Variants in SDAD1 observed in about 807,000 individuals in gnomAD.
SDAD1 encodes SDA1 domain containing 1.
In SDAD1, 79 loss-of-function variants were observed where a neutral mutation model predicts 100.3. The observed-to-expected ratio is 0.79, with a 90% CI of 0.66 to 0.95. SDAD1 has a LOEUF of 0.95. Among genes scored for constraint, SDAD1 ranks in the 40% least tolerant of loss-of-function variants. The probability of loss-of-function intolerance (pLI) is 0.00; values close to 1 mark genes in which losing one functional copy is unlikely to be tolerated. For missense variants in SDAD1, 790 were observed against 810.9 expected, an observed-to-expected ratio of 0.97 and a Z score of 0.31; for synonymous variants, 267 against 271.4, an observed-to-expected ratio of 0.98 and a Z score of 0.16.
intron 10 of SDAD1, among the ~76,000 whole-genome samples, chr4:75,970,018 CA>C (rs540301810): frequency 1.3e-4 from 19 of 149,220 alleles, no homozygotes; most frequent in African/African-American, 4.7e-4. Flanking sequence ...AAAGGACCAA[CA>C]AAAGACTGCC....
intron 20 of SDAD1, among the ~76,000 whole-genome samples, chr4:75,956,600 T>C (rs1005299968): frequency 2.6e-5 from 4 of 152,026 alleles, no homozygotes; most frequent in Non-Finnish European, 5.9e-5. Flanking sequence ...ATGTTGGAAA[T>C]GTAGGCAGGA....
intron 11 of SDAD1, among the ~76,000 whole-genome samples, chr4:75,969,080 T>C (rs1192025196): frequency 7.8e-6 from 1 of 128,980 alleles, no homozygotes; most frequent in African/African-American, 2.9e-5. Context: ...AGCCTGTCCA[T>C]AAATGGAATA....
intron 1 of SDAD1, among the ~76,000 whole-genome samples, chr4:75,982,283 G>T (rs1730574902): frequency 6.6e-6 from 1 of 152,198 alleles, no homozygotes; most frequent in Non-Finnish European, 1.5e-5. Context: ...AGTTTAGGCA[G>T]CATGGTGTAA....
intron 6 of SDAD1, among the ~76,000 whole-genome samples, chr4:75,974,660 G>A (rs1730057006): frequency 1.3e-5 from 2 of 152,086 alleles, no homozygotes; most frequent in South Asian, 4.1e-4. Context: ...AGTGAGCCAA[G>A]ATCACACCAT....
At chr4:75,962,437 T>C (rs764663545) in intron 14 of SDAD1, among the ~76,000 whole-genome samples, 1 of 152,212 alleles carries the variant, frequency 6.6e-6, no homozygotes, top group African/African-American at 2.4e-5. Context: ...CTGGGTCAAA[T>C]GGTATTTCTA....
At chr4:75,965,662 G>T in intron 13 of SDAD1, 102 bp downstream of exon 13, 1 of 897,248 alleles carries the variant, frequency 1.1e-6, no homozygotes, top group Non-Finnish European at 1.8e-6. Context: ...AAAAACCCAC[G>T]TTGAATTATC....
rs76279524 is a variant in SDAD1, at chr4:75,953,090, T to G, written c.2017-2293A>C. The stretch of plus-strand genomic sequence containing the variant: ...AAAATACAGGGCAAAGGGACACACA[T>G]AGAAATTCTGATTAATATCAGGTTC... On this transcript the variant is annotated intron_variant, in intron 21 of 21. Coordinates refer to ENST00000356260, the MANE Select transcript of SDAD1 (RefSeq NM_018115.4). Among the ~76,000 whole-genome samples, 46 of 152,286 alleles carry G rather than the reference T, an allele frequency of 3.0e-4. No homozygotes were observed. In the East Asian group the frequency reaches 7.5e-3, roughly 25 times the overall value.
intron 9 of SDAD1, among the ~76,000 whole-genome samples, chr4:75,970,662 T>C (rs1421548072): frequency 2.6e-5 from 4 of 152,208 alleles, no homozygotes; most frequent in Admixed American, 2.6e-4. Context: ...AAATTTCATC[T>C]CGAACTGTAA....
At position 75,983,138 on chromosome 4, in the gene SDAD1, C is replaced by A. The variant is rs1730646804; in HGVS notation, c.91-1101G>T. On this transcript the variant is annotated intron_variant, in intron 1 of 21. Transcript: ENST00000356260. The stretch of plus-strand genomic sequence containing the variant: ...GACATGAACTCATCCTTTTTTATGG[C>A]TGCATAGTATTCCATGGTATATATG... Among the ~76,000 whole-genome samples, 3 of 152,154 alleles carry A rather than the reference C, an allele frequency of 2.0e-5. No individual in the cohort carries two copies. In the South Asian group the frequency reaches 6.2e-4, roughly 32 times the overall value.
At chr4:75,989,014 T>G (rs2149335733) in intron 1 of SDAD1, among the ~76,000 whole-genome samples, 1 of 152,248 alleles carries the variant, frequency 6.6e-6, no homozygotes. Flanking sequence ...GAGTAAATTC[T>G]TAAAAAAAAT....
intron 3 of SDAD1, among the ~76,000 whole-genome samples, chr4:75,980,391 T>A (rs1730427541): frequency 6.6e-6 from 1 of 152,224 alleles, no homozygotes; most frequent in South Asian, 2.1e-4. Flanking sequence ...AATATTCATC[T>A]AAAGACTTGG....
chr4:75,976,743 TAA>T (rs33916455), intron 4 of SDAD1, among the ~76,000 whole-genome samples: 1 of 150,100 alleles, frequency 6.7e-6, no homozygotes, highest in African/African-American at 2.4e-5. Context: ...AAAGTGTTAT[TAA>T]AAAAAAAATG....
At chr4:75,956,225 G>T in intron 20 of SDAD1, 89 bp from the exon 21 acceptor site, 2 of 1,405,538 alleles carry the variant, frequency 1.4e-6, no homozygotes, top group Non-Finnish European at 9.6e-7. Flanking sequence ...TGTGTCAGAA[G>T]CTCTACTAGG....
At chr4:75,950,843 T>G in intron 21 of SDAD1, 46 bp from the exon 22 acceptor site, 1 of 1,326,988 alleles carries the variant, frequency 7.5e-7, no homozygotes, top group Non-Finnish European at 1.1e-6. Context: ...TTGGGTACCC[T>G]ATTATACGAA....
chr4:75,978,919 C>T (rs1399194320), intron 3 of SDAD1, among the ~76,000 whole-genome samples: 1 of 130,234 alleles, frequency 7.7e-6, no homozygotes, highest in Admixed American at 9.3e-5. Context: ...CTTGAGGCTG[C>T]GGTGAGCTAA....
In SDAD1 at chr4:75,990,774, T is replaced by C; in HGVS notation, c.68A>G (p.Asp23Gly). 1 of 1,614,068 alleles carries C rather than the reference T, an allele frequency of 6.2e-7. No homozygotes were observed. Among genetic ancestry groups the C allele is most frequent in the Non-Finnish European group, 8.5e-7 (1 of 1,180,014 alleles). The change falls in exon 1 of 22, where the codon GAC becomes GGC. Residue 23 changes from aspartate to glycine, a missense_variant. Physicochemically the swap from Asp to Gly is moderately conservative, Grantham distance 94. Coordinates refer to ENST00000356260, the MANE Select transcript of SDAD1 (RefSeq NM_018115.4). ...LPQLQNLIKR[D>G]PPAYIEEFLQ... ...CACCTCCTCGATGTAGGCCGGCGGGTCTCGCTTGATTAGATTCTGTAACTG... is the reference window on the plus strand; with the variant it reads ...CACCTCCTCGATGTAGGCCGGCGGGCCTCGCTTGATTAGATTCTGTAACTG...
At chr4:75,973,881 T>C (rs1208330928) in intron 7 of SDAD1, among the ~76,000 whole-genome samples, 195 bp downstream of exon 7, 1 of 151,774 alleles carries the variant, frequency 6.6e-6, no homozygotes, top group Non-Finnish European at 1.5e-5. Context: ...AAGCATCACT[T>C]AACATAAACT....
chr4:75,961,005 C>A, intron 16 of SDAD1, 23 bp downstream of exon 16: 1 of 1,602,952 alleles, frequency 6.2e-7, no homozygotes. Flanking sequence ...ACCTTTAGAC[C>A]AACATAAGTG....
intron 14 of SDAD1, among the ~76,000 whole-genome samples, chr4:75,962,621 G>C (rs1185685152): frequency 6.6e-6 from 1 of 152,134 alleles, no homozygotes; most frequent in African/African-American, 2.4e-5. Context: ...TCTCATTGTG[G>C]TTTTGATTTG....
Sources: allele counts gnomAD v4.1 joint callset (sites outside exome capture counted in the v4.1 genomes callset), GRCh38; gene constraint gnomAD v4.1.1; transcripts MANE v1.5; gene names NCBI Gene and HGNC (gene_info 2026-07-23, HGNC 2026-07-21).